The following PEX5L variants were observed in gnomAD, a reference collection of about 807,000 sequenced individuals.
PEX5L encodes peroxisomal biogenesis factor 5 like.
A neutral mutation model predicts 84.0 loss-of-function variants in PEX5L; 30 were observed. That is an observed-to-expected ratio of 0.36 (90% confidence interval 0.27 to 0.48). The LOEUF is 0.48. Among genes scored for constraint, PEX5L ranks in the 20% least tolerant of loss-of-function variants. The pLI, the probability that PEX5L is intolerant of heterozygous loss-of-function variation, is 0.99. For missense variants in PEX5L, 533 were observed against 754.6 expected (o/e 0.71, Z 3.44); for synonymous variants, 270 against 283.1 (o/e 0.95, Z 0.46).
intron 3 of PEX5L, among the ~76,000 whole-genome samples, chr3:179,893,313 G>A (rs1758165165): frequency 6.6e-6 from 1 of 152,052 alleles, no homozygotes; most frequent in Non-Finnish European, 1.5e-5. Context: ...AGCTCCACTT[G>A]AATTTCTCAA....
At chr3:179,981,195 G>A (rs143220622) in intron 1 of PEX5L, among the ~76,000 whole-genome samples, 2 of 152,280 alleles carry the variant, frequency 1.3e-5, no homozygotes, top group South Asian at 2.1e-4. Context: ...GGTTGTGGGG[G>A]TTGATCCAGA....
chr3:179,803,904 G>C (rs1720106699), intron 14 of PEX5L, among the ~76,000 whole-genome samples: 2 of 152,148 alleles, frequency 1.3e-5, no homozygotes, highest in African/African-American at 4.8e-5. Flanking sequence ...TGGGTTTCTT[G>C]TAATCAAGCA....
chr3:179,881,386 C>G (rs573010961), intron 4 of PEX5L: 116 of 152,340 alleles, frequency 7.6e-4, no homozygotes, highest in African/African-American at 2.6e-3. Flanking sequence ...AATTCCAAGT[C>G]ACAGTGGTTG....
chr3:179,850,182 A>C (rs960702332), intron 8 of PEX5L, among the ~76,000 whole-genome samples: 1 of 151,526 alleles, frequency 6.6e-6, no homozygotes, highest in Non-Finnish European at 1.5e-5. Context: ...GCTGGAGTGC[A>C]GTGGCGTGAT....
chr3:179,811,918 C>T, intron 10 of PEX5L, 47 bp from the exon 11 acceptor site: 1 of 1,452,870 alleles, frequency 6.9e-7, no homozygotes, highest in Non-Finnish European at 9.7e-7. Flanking sequence ...AGCAGAATTA[C>T]TCATGTGCTT....
intron 7 of PEX5L, among the ~76,000 whole-genome samples, chr3:179,868,042 C>CTTTTTT (rs71628101): frequency 3.4e-5 from 4 of 116,366 alleles, no homozygotes; most frequent in Admixed American, 8.8e-5. Flanking sequence ...TCTTCTTCTT[C>CTTTTTT]TTTTTTTTTT....
chr3:180,027,219 G>A (rs1158859930), intron 1 of PEX5L, among the ~76,000 whole-genome samples: 1 of 152,130 alleles, frequency 6.6e-6, no homozygotes, highest in African/African-American at 2.4e-5. Context: ...GCAGCAGTGG[G>A]GTCCACACTG....
intron 1 of PEX5L, among the ~76,000 whole-genome samples, chr3:180,005,874 AATTT>A (rs1429749526): frequency 6.6e-6 from 1 of 152,160 alleles, no homozygotes; most frequent in Non-Finnish European, 1.5e-5. Flanking sequence ...GGTGAGTCTT[AATTT>A]ATTTCTCAAA....
At chr3:179,968,522 T>A (rs573667083) in intron 2 of PEX5L, among the ~76,000 whole-genome samples, 2 of 152,148 alleles carry the variant, frequency 1.3e-5, no homozygotes, top group Non-Finnish European at 2.9e-5. Flanking sequence ...AAATATAGCA[T>A]TTACTAATTA....
At chr3:179,840,183 GTTTTTT>G (rs71182521) in intron 8 of PEX5L, among the ~76,000 whole-genome samples, 4 of 78,668 alleles carry the variant, frequency 5.1e-5, no homozygotes, top group Admixed American at 1.7e-4. Flanking sequence ...GTGTGTGTGT[GTTTTTT>G]TTTTTTTTTT....
intron 2 of PEX5L, among the ~76,000 whole-genome samples, chr3:179,916,494 C>T (rs1026784955): frequency 1.3e-5 from 2 of 152,072 alleles, no homozygotes. Flanking sequence ...TTGCAAGCTG[C>T]TCTGGGTGAG....
At chr3:179,961,754 T>C (rs1021938517) in intron 2 of PEX5L, among the ~76,000 whole-genome samples, 1 of 152,186 alleles carries the variant, frequency 6.6e-6, no homozygotes, top group Non-Finnish European at 1.5e-5. Flanking sequence ...ACAACTGGTT[T>C]TCAAAGCCCT....
chr3:180,016,337 T>C (rs369855356), intron 1 of PEX5L, among the ~76,000 whole-genome samples: 15 of 152,316 alleles, frequency 9.8e-5, no homozygotes, highest in Admixed American at 3.9e-4. Context: ...CTCAGTGCTA[T>C]GAAATATTTT....
intron 7 of PEX5L, among the ~76,000 whole-genome samples, chr3:179,862,228 T>G (rs1412445215): frequency 6.6e-6 from 1 of 152,206 alleles, no homozygotes; most frequent in Non-Finnish European, 1.5e-5. Context: ...TGGTTGCATT[T>G]AGGGCCCACC....
At chr3:179,876,739 C>T (rs185160781) in intron 5 of PEX5L, among the ~76,000 whole-genome samples, 2 of 152,248 alleles carry the variant, frequency 1.3e-5, no homozygotes, top group African/African-American at 4.8e-5. Flanking sequence ...TTCCCCCTCC[C>T]CCACAAACCC....
intron 1 of PEX5L, chr3:179,973,691 A>G (rs1785333912): frequency 7.1e-6 from 7 of 985,368 alleles, no homozygotes; most frequent in Non-Finnish European, 6.0e-6. Flanking sequence ...CGAAACTGCA[A>G]CTTCTACAAA....
In PEX5L at chr3:180,001,602, C is replaced by T. The variant is rs951334077; in HGVS notation, c.22-29937G>A. On this transcript the variant is annotated intron_variant, in intron 1 of 14. Coordinates refer to ENST00000467460, the MANE Select transcript of PEX5L (RefSeq NM_016559.3). ...GAGGGTTGATAAACAGTGTTCACTA[C>T]ATTTATTTTTCATTGTGCTTTCAAG... is the stretch of plus-strand genomic sequence containing the variant. Among the ~76,000 whole-genome samples, 15 of 152,008 alleles carry T rather than the reference C, an allele frequency of 9.9e-5. No individual in the cohort carries two copies. In the East Asian group the frequency reaches 2.7e-3, roughly 27 times the overall value.
chr3:179,838,603 C>A (rs1735879986), intron 8 of PEX5L, among the ~76,000 whole-genome samples: 1 of 152,142 alleles, frequency 6.6e-6, no homozygotes, highest in South Asian at 2.1e-4. Flanking sequence ...ATCCTTGTTG[C>A]TGCAAGACTT....
intron 1 of PEX5L, chr3:179,974,313 G>T: frequency 2.7e-6 from 1 of 375,798 alleles, no homozygotes; most frequent in Non-Finnish European, 3.7e-6. Context: ...CACTTCCTGT[G>T]CTCCTCCCAC....
Sources: gnomAD v4.1 joint callset for allele counts (sites outside exome capture counted in the v4.1 genomes callset) on GRCh38, gnomAD v4.1.1 for gene constraint, MANE v1.5 for transcripts, NCBI Gene and HGNC (gene_info 2026-07-23, HGNC 2026-07-21) for gene names.